GRIA1: variants seen among roughly 807,000 people sequenced by gnomAD.
GRIA1 encodes glutamate receptor 1.
A neutral mutation model predicts 99.2 loss-of-function variants in GRIA1; 31 were observed. The observed-to-expected ratio is 0.31, with a 90% CI of 0.23 to 0.42. The LOEUF (loss-of-function observed/expected upper bound fraction) is 0.42, where lower values mean the gene tolerates loss of function less well. Ranked by LOEUF, GRIA1 falls within the 10% of genes least tolerant of loss-of-function variation. The probability of loss-of-function intolerance (pLI) is 1.00; values close to 1 mark genes in which losing one functional copy is unlikely to be tolerated. For missense variants in GRIA1, 782 were observed against 1,157.5 expected, an observed-to-expected ratio of 0.68 and a Z score of 4.71; for synonymous variants, 438 against 432.4, an observed-to-expected ratio of 1.01 and a Z score of -0.16.
intron 12 of GRIA1, among the ~76,000 whole-genome samples, chr5:153,768,554 T>TTCC: frequency 6.6e-6 from 1 of 152,296 alleles, no homozygotes; most frequent in East Asian, 1.9e-4. Flanking sequence ...GAAGTTTTAA[T>TTCC]AGCAACTATT....
rs148037072 is a variant in GRIA1 at position 153,642,369 on chromosome 5, G to A, written c.221-4559G>A. ...ATGAAAGGAGTTAATGTAGAGAAAT[G>A]TCTTTGGCACAGTGTCTGGCACTTG... is the stretch of plus-strand genomic sequence containing the variant. On this transcript the variant is annotated intron_variant, in intron 2 of 15. Coordinates refer to ENST00000285900, the MANE Select transcript of GRIA1 (RefSeq NM_000827.4). Among the ~76,000 whole-genome samples, 424 of 152,300 alleles carry A rather than the reference G, an allele frequency of 2.8e-3. 6 individuals are homozygous for A. The highest frequency in any genetic ancestry group is 4.6e-3 in the Non-Finnish European group (311 of 68,018).
intron 11 of GRIA1, among the ~76,000 whole-genome samples, chr5:153,744,762 C>T (rs945363051): frequency 2.7e-5 from 4 of 150,770 alleles, no homozygotes; most frequent in African/African-American, 9.8e-5. Context: ...AATATTGAGA[C>T]TGTACAGTTA....
rs1758328379 is a variant in GRIA1, at chr5:153,699,135, T to C, written c.1452+62T>C. 27 of 1,231,246 alleles carry C rather than the reference T, an allele frequency of 2.2e-5. No individual in the cohort carries two copies. The South Asian group carries it at 3.0e-4, about 14-fold the overall frequency. The allele number at this position is 1,231,246 out of a possible 1,614,324, so 76.3% of individuals were successfully genotyped here. A position where few individuals can be genotyped will look rare whatever the true frequency, so the allele number is the denominator to read the frequency against. On this transcript the variant is annotated intron_variant, in intron 10 of 15. Transcript: ENST00000285900. ...GGCAGAGGGTTTGACAGGAAATCATTTGGTGGTTGGGTGGCCCTGCCCACA... is the reference window on the plus strand; with the variant it reads ...GGCAGAGGGTTTGACAGGAAATCATCTGGTGGTTGGGTGGCCCTGCCCACA...
At chr5:153,558,737 C>A (rs1760866339) in intron 2 of GRIA1, among the ~76,000 whole-genome samples, 1 of 151,994 alleles carries the variant, frequency 6.6e-6, no homozygotes, top group African/African-American at 2.4e-5. Flanking sequence ...TGCTTAATTT[C>A]TCTTGTGTAA....
Position 153,811,146 on chromosome 5 carries a change from A to G in GRIA1, c.2642A>G (p.His881Arg). The part of the protein sequence containing the change: ...GSGENGRVVS[H>R]DFPKSMQSIP... Reference sequence around the variant, plus strand: ...GGAGAGAATGGTCGGGTGGTCAGCCATGACTTCCCCAAGTCCATGCAATCG... The same window carrying G: ...GGAGAGAATGGTCGGGTGGTCAGCCGTGACTTCCCCAAGTCCATGCAATCG... Residue 881 changes from histidine (H) to arginine (R), a missense_variant, in exon 16 of 16, where the codon CAT (histidine) becomes CGT (arginine). Physicochemically the swap from His to Arg is conservative, Grantham distance 29 (BLOSUM62 0). Transcript: ENST00000285900. 1 of 1,614,186 alleles carries G rather than the reference A, an allele frequency of 6.2e-7. No individual in the cohort carries two copies. The highest frequency in any genetic ancestry group is 8.5e-7 in the Non-Finnish European group (1 of 1,180,010).
chr5:153,760,007 C>A (rs115773412), intron 11 of GRIA1, among the ~76,000 whole-genome samples: 1 of 151,826 alleles, frequency 6.6e-6, no homozygotes, highest in Admixed American at 6.6e-5. Flanking sequence ...CCTTTTATGA[C>A]GAAAACCCTC....
intron 11 of GRIA1, among the ~76,000 whole-genome samples, chr5:153,708,423 A>G (rs2149524240): frequency 6.6e-6 from 1 of 152,204 alleles, no homozygotes; most frequent in Non-Finnish European, 1.5e-5. Context: ...ATAGGAGTTG[A>G]CATTGAGGTG....
chr5:153,796,041 A>T (rs1195483276), intron 14 of GRIA1, among the ~76,000 whole-genome samples: 1 of 143,308 alleles, frequency 7.0e-6, no homozygotes, highest in East Asian at 2.1e-4. Context: ...GACAAGTCAG[A>T]CATCAAGCAG....
Position 153,662,227 on chromosome 5 carries a change from C to T in GRIA1, c.699+6355C>T, listed in dbSNP as rs545922949. ...GCCTTCTCTCAGGATGTGGTTCTTA[C>T]AGCTGTCCAGACAACCACCAAACAT... On this transcript the variant is annotated intron_variant, in intron 5 of 15. Transcript: ENST00000285900. 2.0e-5 allele frequency among the ~76,000 whole-genome samples: 3 copies of T among 152,330 alleles called. No individual in the cohort carries two copies. In the South Asian group the frequency reaches 6.2e-4, roughly 32 times the overall value.
chr5:153,598,300 T>C (rs2149393876), intron 2 of GRIA1, among the ~76,000 whole-genome samples: 1 of 152,208 alleles, frequency 6.6e-6, no homozygotes, highest in South Asian at 2.1e-4. Context: ...TTTGATTTGA[T>C]TCTGATGGTT....
At chr5:153,491,713 C>T (rs764847721) in intron 1 of GRIA1, among the ~76,000 whole-genome samples, 3 of 152,170 alleles carry the variant, frequency 2.0e-5, no homozygotes, top group African/African-American at 7.2e-5. Flanking sequence ...AACACACACA[C>T]GTACACATGC....
intron 2 of GRIA1, among the ~76,000 whole-genome samples, chr5:153,610,476 T>C (rs1285716378): frequency 6.6e-6 from 1 of 152,228 alleles, no homozygotes; most frequent in Non-Finnish European, 1.5e-5. Context: ...GTCTTTGTTG[T>C]TATCGTTGTT....
chr5:153,802,436 G>A lies in GRIA1; in HGVS notation c.2466G>A (p.Leu822=), dbSNP rs778802680. Residue 822 remains leucine, a synonymous_variant, in exon 15 of 16, where the codon CTG becomes CTA. Coordinates refer to ENST00000285900, the MANE Select transcript of GRIA1 (RefSeq NM_000827.4). The part of the protein sequence containing the change: ...ILIGGLGLAM[L]VALIEFCYKS... ...TCGGAGGACTTGGACTAGCCATGCTGGTTGCCTTAATCGAGTTCTGCTACA... is the reference window on the plus strand; with the variant it reads ...TCGGAGGACTTGGACTAGCCATGCTAGTTGCCTTAATCGAGTTCTGCTACA... 8.7e-6 allele frequency: 14 copies of A among 1,613,856 alleles called. No homozygotes were observed. The highest frequency in any genetic ancestry group is 1.1e-5 in the Non-Finnish European group (13 of 1,179,930).
chr5:153,498,489 G>A (rs984589586), intron 2 of GRIA1, among the ~76,000 whole-genome samples: 1 of 152,160 alleles, frequency 6.6e-6, no homozygotes, highest in South Asian at 2.1e-4. Context: ...AAAATGTTCA[G>A]AGCCTCAATG....
chr5:153,529,909 C>T (rs1403426018), intron 2 of GRIA1, among the ~76,000 whole-genome samples: 2 of 152,150 alleles, frequency 1.3e-5, no homozygotes, highest in Non-Finnish European at 2.9e-5. Context: ...ATATGCTTCC[C>T]CTCTCTGAGC....
chr5:153,692,453 T>C (rs1007316404), intron 8 of GRIA1, among the ~76,000 whole-genome samples: 1 of 152,226 alleles, frequency 6.6e-6, no homozygotes, highest in Non-Finnish European at 1.5e-5. Flanking sequence ...TTTTGTGACA[T>C]GTGAAAATTA....
At chr5:153,682,714 C>G (rs1219878133) in intron 7 of GRIA1, among the ~76,000 whole-genome samples, 1 of 152,180 alleles carries the variant, frequency 6.6e-6, no homozygotes, top group African/African-American at 2.4e-5. Context: ...GGCCCATGCT[C>G]TATTCAGAGT....
chr5:153,541,177 T>C (rs928604189), intron 2 of GRIA1, among the ~76,000 whole-genome samples: 2 of 152,244 alleles, frequency 1.3e-5, no homozygotes, highest in Non-Finnish European at 2.9e-5. Flanking sequence ...CATTCTTTCG[T>C]ACCCAGCTCA....
At chr5:153,580,094 CA>C (rs1157975199) in intron 2 of GRIA1, among the ~76,000 whole-genome samples, 1 of 152,194 alleles carries the variant, frequency 6.6e-6, no homozygotes, top group Non-Finnish European at 1.5e-5. Flanking sequence ...ACTGATGCTT[CA>C]GCTCTCTGTC....
Sources: allele counts gnomAD v4.1 joint callset (sites outside exome capture counted in the v4.1 genomes callset), GRCh38; gene constraint gnomAD v4.1.1; transcripts MANE v1.5; gene names NCBI Gene and HGNC (gene_info 2026-07-23, HGNC 2026-07-21).